The following OR8G1 variants were observed in gnomAD, a reference collection of about 807,000 sequenced individuals.
OR8G1 encodes olfactory receptor family 8 subfamily G member 1, also known as olfactory receptor 8G1.
For missense variants in OR8G1, 372 were observed against 356.2 expected (o/e 1.04, Z -0.36); for synonymous variants, 129 against 133.3 (o/e 0.97, Z 0.22).
rs375968700 is a variant in OR8G1 at position 124,250,456 on chromosome 11, C to G, written c.781C>G (p.Gln261Glu). ...FFGSAAFMYL[Q>E]PSSISSMDQG... ...TGGATCTGCAGCATTCATGTACTTGCAGCCATCTTCAATCAGCTCCATGGA... is the reference window on the plus strand; with the variant it reads ...TGGATCTGCAGCATTCATGTACTTGGAGCCATCTTCAATCAGCTCCATGGA... The change falls in exon 3 of 3, where the codon CAG (glutamine) becomes GAG (glutamate). Residue 261 changes from glutamine (Q) to glutamate (E), a missense_variant. Transcript: ENST00000641972. The G allele has an allele frequency of 2.4e-5, 39 of 1,613,702 alleles. No homozygotes were observed. The highest frequency in any genetic ancestry group is 3.0e-5 in the Non-Finnish European group (35 of 1,179,736).
At position 124,251,501 on chromosome 11, in the gene OR8G1, C is replaced by A. The variant is rs1861867422; in HGVS notation, c.*890C>A. ...ATAATATAACTGGTAACATTCTGAC[C>A]TATTCTATGCTAAGATGTATGTGTA... is the stretch of plus-strand genomic sequence containing the variant. On this transcript the variant is annotated 3_prime_UTR_variant, in exon 3 of 3. Coordinates refer to ENST00000641972, the MANE Select transcript of OR8G1 (RefSeq NM_001002905.2). 1 of 583,796 alleles carries A rather than the reference C, an allele frequency of 1.7e-6. No homozygotes were observed. The highest frequency in any genetic ancestry group is 2.1e-5 in the South Asian group (1 of 47,010). The allele number at this position is 583,796 out of a possible 1,614,324, so 36.2% of individuals were successfully genotyped here.
At position 124,253,045 on chromosome 11, in the gene OR8G1, A is replaced by G. The variant is rs1861878696; in HGVS notation, c.*2434A>G. On this transcript the variant is annotated 3_prime_UTR_variant, in exon 3 of 3. Coordinates refer to ENST00000641972, the MANE Select transcript of OR8G1 (RefSeq NM_001002905.2). ...CCAATATTAGCTTTTCCTTCTTCGC[A>G]TTTTGACTCAAATTTGTAAACATTA... 6.6e-6 allele frequency: 1 copy of G among 152,286 alleles called. No homozygotes were observed. The highest frequency in any genetic ancestry group is 1.5e-5 in the Non-Finnish European group (1 of 68,026). 9.4% of individuals were successfully genotyped at this position (152,286 alleles called of 1,614,324 possible).
rs569471670 is a variant in OR8G1, at chr11:124,251,859, C to T, written c.*1248C>T. 1 of 152,788 alleles carries T rather than the reference C, an allele frequency of 6.5e-6. No individual in the cohort carries two copies. Among genetic ancestry groups the T allele is most frequent in the East Asian group, 1.9e-4 (1 of 5,190 alleles). The allele number at this position is 152,788 out of a possible 1,614,324, so 9.5% of individuals were successfully genotyped here. Reference sequence around the variant, plus strand: ...TGAATTTTATGATATATAAAATATACTTCAATAAAATTGCTTTAAAATGAA... The same window carrying T: ...TGAATTTTATGATATATAAAATATATTTCAATAAAATTGCTTTAAAATGAA... On this transcript the variant is annotated 3_prime_UTR_variant, in exon 3 of 3. Transcript: ENST00000641972.
chr11:124,244,972 T>C (rs557262810), intron 1 of OR8G1, among the ~76,000 whole-genome samples: 47 of 150,656 alleles, frequency 3.1e-4, no homozygotes, highest in Non-Finnish European at 3.7e-4. Flanking sequence ...CATTAAATTA[T>C]GAATAGGAAA....
rs764095532 is a variant in OR8G1, at chr11:124,249,990, C to T, written c.315C>T (p.Leu105=). 5.6e-6 allele frequency: 9 copies of T among 1,613,762 alleles called. No homozygotes were observed. Among genetic ancestry groups the T allele is most frequent in the Admixed American group, 3.3e-5 (2 of 59,948 alleles). Residue 105 remains leucine (L), a synonymous_variant, in exon 3 of 3, where the codon CTC becomes CTT. Transcript: ENST00000641972. Reference sequence around the variant, plus strand: ...GCATGACTCAGCTCTACTTCTTCCTCGTTTTTGCTATTGCAGAGTGTCACA... The same window carrying T: ...GCATGACTCAGCTCTACTTCTTCCTTGTTTTTGCTATTGCAGAGTGTCACA... The part of the protein sequence containing the change: ...PECMTQLYFF[L]VFAIAECHML...
chr11:124,244,105 GGA>G (rs143195035), intron 1 of OR8G1, among the ~76,000 whole-genome samples: 12 of 148,250 alleles, frequency 8.1e-5, no homozygotes, highest in Non-Finnish European at 1.3e-4. Flanking sequence ...AGGAAAGGAT[GGA>G]GAGAGGGAGA....
At position 124,246,337 on chromosome 11, in the gene OR8G1, T is replaced by C. The variant is rs115703523; in HGVS notation, c.-96-1464T>C. Among the ~76,000 whole-genome samples the C allele has an allele frequency of 9.9e-4, 151 of 152,108 alleles. 1 individual carries two copies. Among genetic ancestry groups the C allele is most frequent in the African/African-American group, 3.6e-3 (148 of 41,544 alleles). ...TTGCTATTTTACGTGATACTATTTT[T>C]AAATTTGTATTTTATTTGTAGCTTC... is the stretch of plus-strand genomic sequence containing the variant. On this transcript the variant is annotated intron_variant, in intron 1 of 2. Coordinates refer to ENST00000641972, the MANE Select transcript of OR8G1 (RefSeq NM_001002905.2).
intron 2 of OR8G1, among the ~76,000 whole-genome samples, chr11:124,248,868 G>A (rs1415858160): frequency 6.6e-6 from 1 of 152,044 alleles, no homozygotes; most frequent in Non-Finnish European, 1.5e-5. Context: ...TGATTAATAA[G>A]TCTGCCAATT....
intron 1 of OR8G1, among the ~76,000 whole-genome samples, chr11:124,246,539 G>A (rs1024181072): frequency 6.6e-6 from 1 of 151,590 alleles, no homozygotes; most frequent in African/African-American, 2.4e-5. Flanking sequence ...AACAATTAAA[G>A]GAAGAAGTAT....
At chr11:124,245,962 G>C (rs1483419776) in intron 1 of OR8G1, among the ~76,000 whole-genome samples, 1 of 129,756 alleles carries the variant, frequency 7.7e-6, no homozygotes, top group African/African-American at 3.1e-5. Flanking sequence ...CCATGTTGTA[G>C]GTTGCCTGTT....
chr11:124,242,713 G>A (rs927875465), intron 1 of OR8G1, among the ~76,000 whole-genome samples: 3 of 151,946 alleles, frequency 2.0e-5, no homozygotes, highest in Non-Finnish European at 2.9e-5. Flanking sequence ...ACTTCATTTA[G>A]TTAATACAGA....
rs1179507720 is a variant in OR8G1, at chr11:124,253,274, A to G, written c.*2663A>G. The G allele has an allele frequency of 6.6e-6, 1 of 152,138 alleles. No homozygotes were observed. The highest frequency in any genetic ancestry group is 1.9e-4 in the East Asian group (1 of 5,186). The allele number at this position is 152,138 out of a possible 1,614,324, so 9.4% of individuals were successfully genotyped here. A position where few individuals can be genotyped will look rare whatever the true frequency, so the allele number is the denominator to read the frequency against. ...CATTTCTGCAGAAAATACAAAAATT[A>G]GCTGGGCATGGTGGTGTGTGCCTGA... On this transcript the variant is annotated 3_prime_UTR_variant, in exon 3 of 3. Transcript: ENST00000641972.
intron 1 of OR8G1, among the ~76,000 whole-genome samples, chr11:124,245,956 G>T (rs11601644): frequency 0.4 from 41,928 of 105,690 alleles, 8,966 homozygotes; most frequent in South Asian, 0.54. Flanking sequence ...TTTCTCCCAT[G>T]TTGTAGGTTG....
intron 1 of OR8G1, 68 bp from the exon 2 acceptor site, chr11:124,247,733 T>C (rs143216466): frequency 1.3e-5 from 2 of 151,836 alleles, no homozygotes; most frequent in South Asian, 4.2e-4. Flanking sequence ...GAGAGAGAAT[T>C]GTAGTATAGG....
chr11:124,250,356 C>T lies in OR8G1; in HGVS notation c.681C>T (p.His227=). ...TCTTTATTATTGCCAGCATCCTCCA[C>T]ATTCGCTCCACTGAGGGCAGGTCCA... ...SYIFIIASIL[H]IRSTEGRSKA... Residue 227 remains histidine (H), a synonymous_variant, in exon 3 of 3, where the codon CAC becomes CAT. Coordinates refer to ENST00000641972, the MANE Select transcript of OR8G1 (RefSeq NM_001002905.2). 1 of 1,613,834 alleles carries T rather than the reference C, an allele frequency of 6.2e-7. No homozygotes were observed. The highest frequency in any genetic ancestry group is 8.5e-7 in the Non-Finnish European group (1 of 1,179,844).
At chr11:124,248,908 A>G (rs1861837343) in intron 2 of OR8G1, among the ~76,000 whole-genome samples, 1 of 152,098 alleles carries the variant, frequency 6.6e-6, no homozygotes, top group South Asian at 2.1e-4. Flanking sequence ...ATTTTTATTT[A>G]TCTTTCACAG....
In OR8G1 at chr11:124,244,516, AAAAT is replaced by A. The variant is rs1041725716; in HGVS notation, c.-97+3156_-97+3159del. 3.7e-4 allele frequency among the ~76,000 whole-genome samples: 56 copies of A among 151,936 alleles called. 1 individual carries two copies. The highest frequency in any genetic ancestry group is 1.3e-3 in the African/African-American group (54 of 41,406). On this transcript the variant is annotated intron_variant, in intron 1 of 2. Coordinates refer to ENST00000641972, the MANE Select transcript of OR8G1 (RefSeq NM_001002905.2). Reference sequence around the variant, plus strand: ...GAGAGCCTGTGCAACCTGCCTGTATAAAATAAAGATGAACTATGTCTATGGCACA... The same window carrying A: ...GAGAGCCTGTGCAACCTGCCTGTATAAAAGATGAACTATGTCTATGGCACA...
intron 1 of OR8G1, among the ~76,000 whole-genome samples, chr11:124,245,468 T>G (rs1861802699): frequency 7.0e-6 from 1 of 143,662 alleles, no homozygotes; most frequent in East Asian, 2.0e-4. Context: ...AGTGCCGCAA[T>G]AAACATACGT....
Position 124,252,522 on chromosome 11 carries a change from T to G in OR8G1, c.*1911T>G. On this transcript the variant is annotated 3_prime_UTR_variant, in exon 3 of 3. Coordinates refer to ENST00000641972, the MANE Select transcript of OR8G1 (RefSeq NM_001002905.2). ...TCTTTTTCTTCTTAGCTTGCATTGC[T>G]TGTGGTAATTTTATGATCATTTGAA... The G allele has an allele frequency of 6.6e-6, 1 of 152,206 alleles. No individual in the cohort carries two copies. The highest frequency in any genetic ancestry group is 1.5e-5 in the Non-Finnish European group (1 of 68,040). 9.4% of individuals were successfully genotyped at this position (152,206 alleles called of 1,614,324 possible). A position where few individuals can be genotyped will look rare whatever the true frequency, so the allele number is the denominator to read the frequency against.
Sources: allele counts gnomAD v4.1 joint callset (sites outside exome capture counted in the v4.1 genomes callset), GRCh38; gene constraint gnomAD v4.1.1; transcripts MANE v1.5; gene names NCBI Gene and HGNC (gene_info 2026-07-23, HGNC 2026-07-21).